The following ITGA8 variants were observed in gnomAD, a reference collection of about 807,000 sequenced individuals.
ITGA8 encodes integrin subunit alpha 8, also known as integrin alpha-8.
Under a neutral mutation model 142.3 loss-of-function variants are expected in ITGA8, and 91 were observed. The observed-to-expected ratio is 0.64, with a 90% CI of 0.54 to 0.76. The LOEUF is 0.76. ITGA8 is among the 30% of genes least tolerant of loss of function. ITGA8 has a pLI of 0.00. For synonymous variants in ITGA8, 505 were observed against 485.2 expected (o/e 1.04, Z -0.54); for missense variants, 1,406 against 1,327.7 (o/e 1.06, Z -0.92).
chr10:15,620,908 T>A (rs1254278911), intron 13 of ITGA8, among the ~76,000 whole-genome samples: 2 of 152,258 alleles, frequency 1.3e-5, no homozygotes, highest in Non-Finnish European at 2.9e-5. Flanking sequence ...AAATGATATT[T>A]AAATAATACT....
chr10:15,542,310 A>T (rs534303702), intron 27 of ITGA8, among the ~76,000 whole-genome samples: 7 of 152,378 alleles, frequency 4.6e-5, no homozygotes, highest in Non-Finnish European at 1.0e-4. Context: ...GCACAGACCA[A>T]TGCAGGAGCC....
At chr10:15,576,751 A>G (rs1834305381) in intron 23 of ITGA8, among the ~76,000 whole-genome samples, 1 of 152,182 alleles carries the variant, frequency 6.6e-6, no homozygotes, top group Non-Finnish European at 1.5e-5. Context: ...AAACATCTCA[A>G]ATGCTTTTGG....
chr10:15,681,837 G>T (rs941507724), intron 4 of ITGA8, among the ~76,000 whole-genome samples: 3 of 152,150 alleles, frequency 2.0e-5, no homozygotes, highest in African/African-American at 7.2e-5. Context: ...ATGGAGTATA[G>T]GATATGGACA....
intron 2 of ITGA8, among the ~76,000 whole-genome samples, chr10:15,692,143 G>A (rs1396762365): frequency 1.3e-5 from 2 of 151,902 alleles, no homozygotes. Context: ...ATGTTGCCCA[G>A]GCTGGCCTTG....
At chr10:15,719,216 A>G (rs1025077343) in intron 1 of ITGA8, among the ~76,000 whole-genome samples, 119 of 152,310 alleles carry the variant, frequency 7.8e-4, no homozygotes, top group Non-Finnish European at 1.4e-3. Context: ...GCCCAGACGC[A>G]ATGGTTACAG....
chr10:15,531,205 A>G, intron 27 of ITGA8, 54 bp from the exon 28 acceptor site: 1 of 927,786 alleles, frequency 1.1e-6, no homozygotes, highest in African/African-American at 1.8e-5. Context: ...TTTAAGAGTT[A>G]TACTGGCAGC....
At position 15,514,285 on chromosome 10, in the gene ITGA8, G is replaced by A. The variant is rs1414261809; in HGVS notation, c.*2873C>T. On this transcript the variant is annotated 3_prime_UTR_variant, in exon 30 of 30. Transcript: ENST00000378076. ...TCTAACTAGAAGCAGATAACGCTCA[G>A]TGTGTTCTCTGTCGTCAGTATGTTC... is the stretch of plus-strand genomic sequence containing the variant. 6.6e-6 allele frequency: 1 copy of A among 152,202 alleles called. No homozygotes were observed. The highest frequency in any genetic ancestry group is 1.9e-4 in the East Asian group (1 of 5,200). 9.4% of individuals were successfully genotyped at this position (152,202 alleles called of 1,614,324 possible).
intron 13 of ITGA8, among the ~76,000 whole-genome samples, chr10:15,623,746 T>G (rs746226833): frequency 6.6e-6 from 1 of 152,108 alleles, no homozygotes; most frequent in African/African-American, 2.4e-5. Context: ...ATAAATTTCA[T>G]CCTTTTTAGT....
At chr10:15,661,302 C>G (rs1834282571) in intron 8 of ITGA8, among the ~76,000 whole-genome samples, 1 of 152,188 alleles carries the variant, frequency 6.6e-6, no homozygotes, top group South Asian at 2.1e-4. Flanking sequence ...TCTTGAGAAT[C>G]TAACTAATGC....
At chr10:15,634,473 A>G (rs893799472) in intron 13 of ITGA8, among the ~76,000 whole-genome samples, 1 of 152,096 alleles carries the variant, frequency 6.6e-6, no homozygotes, top group African/African-American at 2.4e-5. Flanking sequence ...CAGAAAGTTG[A>G]TTAACTGGGT....
At chr10:15,647,686 T>C (rs1834012534) in intron 11 of ITGA8, among the ~76,000 whole-genome samples, 1 of 151,638 alleles carries the variant, frequency 6.6e-6, no homozygotes, top group Non-Finnish European at 1.5e-5. Context: ...ATGGTCTCGA[T>C]CTCCTGACCT....
chr10:15,655,003 T>C (rs765435881), intron 11 of ITGA8, among the ~76,000 whole-genome samples: 1 of 152,252 alleles, frequency 6.6e-6, no homozygotes, highest in Non-Finnish European at 1.5e-5. Flanking sequence ...TGCAAATGTT[T>C]TGTGAATGTA....
chr10:15,658,940 A>C, intron 10 of ITGA8, 59 bp downstream of exon 10: 1 of 1,110,162 alleles, frequency 9.0e-7, no homozygotes. Flanking sequence ...TGATATGAAT[A>C]TTATAGTCTA....
At chr10:15,644,008 G>A in intron 13 of ITGA8, 22 bp downstream of exon 13, 3 of 1,598,648 alleles carry the variant, frequency 1.9e-6, no homozygotes, top group Non-Finnish European at 1.7e-6. Context: ...ACTCTCACGT[G>A]GGAAAAGAAA....
intron 2 of ITGA8, among the ~76,000 whole-genome samples, 200 bp downstream of exon 2, chr10:15,718,566 T>C (rs1835496252): frequency 6.6e-6 from 1 of 152,210 alleles, no homozygotes; most frequent in South Asian, 2.1e-4. Flanking sequence ...GTGTCCTTTC[T>C]CTAGGGTTCA....
At chr10:15,718,627 G>A in intron 2 of ITGA8, 139 bp downstream of exon 2, 2 of 1,048,742 alleles carry the variant, frequency 1.9e-6, no homozygotes, top group South Asian at 3.4e-5. Context: ...GATTTCTCTA[G>A]AGACCCACAT....
chr10:15,651,635 T>C (rs192637183), intron 11 of ITGA8, among the ~76,000 whole-genome samples: 119 of 152,184 alleles, frequency 7.8e-4, no homozygotes, highest in African/African-American at 2.7e-3. Flanking sequence ...GTCTACTAGA[T>C]AGCCTTGTGT....
At chr10:15,616,467 G>A (rs1268371436) in intron 14 of ITGA8, 47 bp downstream of exon 14, 3 of 1,392,380 alleles carry the variant, frequency 2.2e-6, no homozygotes, top group South Asian at 2.3e-5. Context: ...ACAAGAAAAT[G>A]TATTTGAAAC....
intron 20 of ITGA8, among the ~76,000 whole-genome samples, chr10:15,601,592 C>T (rs1415253485): frequency 2.0e-5 from 3 of 152,076 alleles, no homozygotes; most frequent in Middle Eastern, 3.2e-3. Context: ...TATCTTACTA[C>T]TATCATAATG....
Sources: gnomAD v4.1 joint callset for allele counts (sites outside exome capture counted in the v4.1 genomes callset) on GRCh38, gnomAD v4.1.1 for gene constraint, MANE v1.5 for transcripts, NCBI Gene and HGNC (gene_info 2026-07-23, HGNC 2026-07-21) for gene names.